The following PSME4 variants were observed in gnomAD, a reference collection of about 807,000 sequenced individuals.
PSME4 encodes the protein proteasome activator subunit 4.
PSME4 carries 89 observed loss-of-function variants against 253.9 expected under a neutral mutation model. That is an observed-to-expected ratio of 0.35 (90% CI 0.30 to 0.42). The LOEUF (loss-of-function observed/expected upper bound fraction) is 0.42, where lower values mean the gene tolerates loss of function less well. Ranked by LOEUF, PSME4 falls within the 10% of genes least tolerant of loss-of-function variation. PSME4 has a pLI of 1.00. For missense variants in PSME4, 2,014 were observed against 2,195.2 expected, an observed-to-expected ratio of 0.92 and a Z score of 1.65; for synonymous variants, 851 against 759.2, an observed-to-expected ratio of 1.12 and a Z score of -1.99.
chr2:53,918,690 C>T (rs1166805298), intron 20 of PSME4, among the ~76,000 whole-genome samples: 5 of 152,198 alleles, frequency 3.3e-5, no homozygotes, highest in African/African-American at 1.2e-4. Flanking sequence ...TAGCTATTCA[C>T]TCGAAGTAAT....
chr2:53,909,980 A>G, intron 21 of PSME4, 95 bp downstream of exon 21: 1 of 1,107,914 alleles, frequency 9.0e-7, no homozygotes, highest in Non-Finnish European at 1.4e-6. Flanking sequence ...AAAACAAAAC[A>G]AAACAAAAAC....
At chr2:53,872,995 C>T (rs936125331) in intron 43 of PSME4, among the ~76,000 whole-genome samples, 2 of 151,612 alleles carry the variant, frequency 1.3e-5, no homozygotes, top group African/African-American at 2.4e-5. Flanking sequence ...AATCCCAGCA[C>T]TTTGGGAAGC....
intron 19 of PSME4, among the ~76,000 whole-genome samples, chr2:53,919,551 G>C (rs1445853636): frequency 2.0e-5 from 3 of 152,168 alleles, no homozygotes; most frequent in South Asian, 4.1e-4. Context: ...AACAAAAAGA[G>C]GAAATAATGC....
Position 53,944,062 on chromosome 2 carries a change from T to A in PSME4, c.501-4062A>T, listed in dbSNP as rs536264234. Reference sequence around the variant, plus strand: ...TGATCAACTTGAACTAAGTATTTTTTAAAATTGCTTTTAAAAGATCAGTTT... The same window carrying A: ...TGATCAACTTGAACTAAGTATTTTTAAAAATTGCTTTTAAAAGATCAGTTT... On this transcript the variant is annotated intron_variant, in intron 3 of 46. Transcript: ENST00000404125. 5.0e-3 allele frequency among the ~76,000 whole-genome samples: 768 copies of A among 152,298 alleles called. 2 individuals are homozygous for A. Among genetic ancestry groups the A allele is most frequent in the Admixed American group, 7.8e-3 (120 of 15,294 alleles).
At chr2:53,895,147 T>C in intron 33 of PSME4, 71 bp from the exon 34 acceptor site, 1 of 1,370,690 alleles carries the variant, frequency 7.3e-7, no homozygotes. Flanking sequence ...TAGAAAGCAT[T>C]AGAAGGCACT....
rs1293730469 is a variant in PSME4 at position 53,906,823 on chromosome 2, C to A, written c.2830G>T (p.Val944Leu). The A allele has an allele frequency of 1.9e-6, 3 of 1,613,516 alleles. No homozygotes were observed. The highest frequency in any genetic ancestry group is 2.5e-6 in the Non-Finnish European group (3 of 1,179,818). Residue 944 changes from valine (V) to leucine (L), a missense_variant, in exon 25 of 47, where the codon GTA becomes TTA. Coordinates refer to ENST00000404125, the MANE Select transcript of PSME4 (RefSeq NM_014614.3). ...QHIRALLIDR[V>L]MLQHELRTLT... ...ATATTTACCTCATGCTGTAACATTA[C>A]TCTATCAATCAACAGTGCTCTGATA...
intron 3 of PSME4, among the ~76,000 whole-genome samples, chr2:53,946,224 C>T (rs975214609): frequency 5.3e-5 from 8 of 152,142 alleles, no homozygotes; most frequent in Non-Finnish European, 1.2e-4. Context: ...GAAAGTAGGA[C>T]GCTTGGTTAT....
chr2:53,888,694 C>G, intron 38 of PSME4, 27 bp downstream of exon 38: 1 of 1,502,592 alleles, frequency 6.7e-7, no homozygotes, highest in Non-Finnish European at 9.3e-7. Flanking sequence ...TTCGTGTTAA[C>G]CTCATAGGTT....
intron 20 of PSME4, among the ~76,000 whole-genome samples, chr2:53,917,036 T>C (rs1445045451): frequency 7.0e-6 from 1 of 142,926 alleles, no homozygotes; most frequent in Non-Finnish European, 1.5e-5. Context: ...TGAAGTTTTA[T>C]TGTTTTATTT....
At chr2:53,941,916 T>C (rs761227120) in intron 3 of PSME4, among the ~76,000 whole-genome samples, 1 of 152,164 alleles carries the variant, frequency 6.6e-6, no homozygotes, top group Non-Finnish European at 1.5e-5. Context: ...CATAAACGAT[T>C]CTAGAAAGCA....
chr2:53,958,494 T>C (rs1180054343), intron 1 of PSME4, among the ~76,000 whole-genome samples: 1 of 152,146 alleles, frequency 6.6e-6, no homozygotes, highest in Admixed American at 6.6e-5. Flanking sequence ...ACTAATGGGA[T>C]TATAACCAAG....
At chr2:53,866,705 T>C (rs1419830314) in intron 45 of PSME4, 42 bp downstream of exon 45, 1 of 1,570,230 alleles carries the variant, frequency 6.4e-7, no homozygotes, top group Non-Finnish European at 8.7e-7. Context: ...TTAGAAAACA[T>C]CACTGATAAT....
chr2:53,884,161 C>G (rs1167395334), intron 41 of PSME4, among the ~76,000 whole-genome samples: 1 of 152,256 alleles, frequency 6.6e-6, no homozygotes, highest in East Asian at 1.9e-4. Context: ...ATTAGTATAT[C>G]CAGGTGAGAT....
At chr2:53,906,969 G>A in intron 24 of PSME4, 101 bp from the exon 25 acceptor site, 1 of 977,974 alleles carries the variant, frequency 1.0e-6, no homozygotes, top group Non-Finnish European at 1.6e-6. Context: ...AAGGTCCCTG[G>A]TTGACTGGTG....
chr2:53,898,227 A>G, intron 30 of PSME4, 74 bp downstream of exon 30: 1 of 1,374,730 alleles, frequency 7.3e-7, no homozygotes, highest in Non-Finnish European at 1.0e-6. Context: ...AGTCATTCAT[A>G]GCCTTCCATG....
Position 53,920,967 on chromosome 2 carries a change from G to A in PSME4, c.2184C>T (p.Thr728=), listed in dbSNP as rs1668287427. 8 of 1,614,012 alleles carry A rather than the reference G, an allele frequency of 5.0e-6. No homozygotes were observed. The highest frequency in any genetic ancestry group is 2.2e-5 in the East Asian group (1 of 44,856). Residue 728 remains threonine, a synonymous_variant, in exon 18 of 47, where the codon ACC becomes ACT. Transcript: ENST00000404125. ...CNLLHHLLRS[T]TLIYPTEYCS... The stretch of plus-strand genomic sequence containing the variant: ...AGTATTCTGTAGGGTAGATAAGTGT[G>A]GTAGAACGGAGAAGATGATGCAAAA...
At chr2:53,951,716 A>G (rs1331817513) in intron 1 of PSME4, among the ~76,000 whole-genome samples, 1 of 152,220 alleles carries the variant, frequency 6.6e-6, no homozygotes, top group African/African-American at 2.4e-5. Context: ...GAGTTTTCCA[A>G]TTTCTAATTT....
chr2:53,906,699 A>G lies in PSME4; in HGVS notation c.2848-6T>C. ...TCAACAGTTAGTGTCCGTAGCTAAG[A>G]AAACAATCGCAAACATTTACTAAAA... is the stretch of plus-strand genomic sequence containing the variant. On this transcript the variant is annotated splice_polypyrimidine_tract_variant and splice_region_variant and intron_variant, in intron 25 of 46. Coordinates refer to ENST00000404125, the MANE Select transcript of PSME4 (RefSeq NM_014614.3). The G allele has an allele frequency of 6.3e-7, 1 of 1,596,596 alleles. No homozygotes were observed. Among genetic ancestry groups the G allele is most frequent in the Non-Finnish European group, 8.5e-7 (1 of 1,173,040 alleles).
At chr2:53,927,590 T>C in intron 11 of PSME4, 107 bp from the exon 12 acceptor site, 1 of 831,320 alleles carries the variant, frequency 1.2e-6, no homozygotes, top group Admixed American at 2.0e-5. Flanking sequence ...TTGATCAAAA[T>C]CCCACAACAG....
Sources: gnomAD v4.1 joint callset for allele counts (sites outside exome capture counted in the v4.1 genomes callset) on GRCh38, gnomAD v4.1.1 for gene constraint, MANE v1.5 for transcripts, NCBI Gene and HGNC (gene_info 2026-07-23, HGNC 2026-07-21) for gene names.